Variants in NLRP14 observed in about 807,000 individuals in gnomAD.
NLRP14 encodes the protein NLR family pyrin domain containing 14.
Under a neutral mutation model 94.7 loss-of-function variants are expected in NLRP14, and 105 were observed. That is an observed-to-expected ratio of 1.11 (90% CI 0.95 to 1.30). NLRP14 has a LOEUF of 1.30. Ranked by LOEUF, NLRP14 falls within the 50% of genes most tolerant of loss-of-function variation. The probability of loss-of-function intolerance (pLI) is 0.00; values close to 1 mark genes in which losing one functional copy is unlikely to be tolerated. For synonymous variants in NLRP14, 508 were observed against 459.9 expected, an observed-to-expected ratio of 1.10 and a Z score of -1.34; for missense variants, 1,362 against 1,254.1, an observed-to-expected ratio of 1.09 and a Z score of -1.30.
At chr11:7,073,406 C>T (rs1228278041), downstream of NLRP14, among the ~76,000 whole-genome samples, 3 of 152,220 alleles carry the variant, frequency 2.0e-5, no homozygotes, top group Admixed American at 6.5e-5. Flanking sequence ...CAGTTCTGGT[C>T]ACCAAAATGT....
At chr11:7,084,375 G>A in the NLRP14 span, among the ~76,000 whole-genome samples, 5 of 152,150 alleles carry the variant, frequency 3.3e-5, no homozygotes, top group Non-Finnish European at 7.4e-5. Context: ...TTATTGAGGT[G>A]ACTCTTGGCG....
Position 7,058,348 on chromosome 11 carries a change from G to A in NLRP14, c.2531G>A (p.Arg844Lys). 1 of 1,612,790 alleles carries A rather than the reference G, an allele frequency of 6.2e-7. No individual in the cohort carries two copies. Among genetic ancestry groups the A allele is most frequent in the Admixed American group, 1.7e-5 (1 of 59,916 alleles). ...TCTTTGGCTCTCATCAGCAATAAAA[G>A]ACTGACACATTTGTGCTTGGCAGAC... ...YLSLALISNK[R>K]LTHLCLADNV... Residue 844 changes from arginine (R) to lysine (K), a missense_variant, in exon 8 of 12, where the codon AGA (arginine) becomes AAA (lysine). Transcript: ENST00000299481.
At chr11:7,076,316 T>C (rs893643604), downstream of NLRP14, among the ~76,000 whole-genome samples, 22 of 152,326 alleles carry the variant, frequency 1.4e-4, no homozygotes, top group African/African-American at 5.3e-4. Context: ...AAAAAGCAAA[T>C]AGAGTCTTCA....
rs1394683492 is a variant in NLRP14, at chr11:7,020,490, G to GGCGGGAGCT, written c.-296_-288dup. ...CTTTGGCCGCTGGCATTCCTGCGCGGGCGGGAGCTGCGGGCGCTCGGGGGA... is the reference window on the plus strand; with the variant it reads ...CTTTGGCCGCTGGCATTCCTGCGCGGGCGGGAGCTGCGGGAGCTGCGGGCGCTCGGGGGA... On this transcript the variant is annotated 5_prime_UTR_variant, in exon 1 of 12. Coordinates refer to ENST00000299481, the MANE Select transcript of NLRP14 (RefSeq NM_176822.4). 6.6e-6 allele frequency: 1 copy of GGCGGGAGCT among 152,336 alleles called. No individual in the cohort carries two copies. The highest frequency in any genetic ancestry group is 2.4e-5 in the African/African-American group (1 of 41,466). The allele number at this position is 152,336 out of a possible 1,614,324, so 9.4% of individuals were successfully genotyped here. A position where few individuals can be genotyped will look rare whatever the true frequency, so the allele number is the denominator to read the frequency against.
At chr11:7,071,854 C>T (rs1315652412), downstream of NLRP14, among the ~76,000 whole-genome samples, 2 of 152,022 alleles carry the variant, frequency 1.3e-5, no homozygotes, top group Non-Finnish European at 2.9e-5. Flanking sequence ...CAGGCAAATT[C>T]TTAAGTATAC....
At chr11:7,078,736 C>T in the NLRP14 span, among the ~76,000 whole-genome samples, 11 of 152,074 alleles carry the variant, frequency 7.2e-5, no homozygotes, top group Non-Finnish European at 1.2e-4. Context: ...TGCAGTGAGC[C>T]AAGATCGCAC....
chr11:7,084,450 A>C, the NLRP14 span, among the ~76,000 whole-genome samples: 4 of 152,162 alleles, frequency 2.6e-5, no homozygotes, highest in African/African-American at 9.6e-5. Flanking sequence ...TTAGAGGTGG[A>C]GAATTTTCAG....
chr11:7,036,006 A>G (rs1852155436), intron 1 of NLRP14, among the ~76,000 whole-genome samples: 1 of 152,244 alleles, frequency 6.6e-6, no homozygotes, highest in Non-Finnish European at 1.5e-5. Context: ...CTCCGTATCT[A>G]TAAATGTGGA....
At chr11:7,083,411 C>G in the NLRP14 span, among the ~76,000 whole-genome samples, 1 of 152,152 alleles carries the variant, frequency 6.6e-6, no homozygotes, top group African/African-American at 2.4e-5. Context: ...CTTGGTAGTC[C>G]AAATTGATGC....
chr11:7,037,947 T>C (rs1852184537), intron 1 of NLRP14, among the ~76,000 whole-genome samples: 2 of 152,170 alleles, frequency 1.3e-5, no homozygotes, highest in African/African-American at 2.4e-5. Flanking sequence ...GGAAAGTGCA[T>C]GAAAGGAGCT....
chr11:7,053,469 T>TTATA lies in NLRP14; in HGVS notation c.2291+3644_2291+3647dup, dbSNP rs36002808. On this transcript the variant is annotated intron_variant, in intron 6 of 11. Transcript: ENST00000299481. ...TTAAATCATATATATATGATTTAAA[T>TTATA]TATATATATATATATACTTTAAAAT... Among the ~76,000 whole-genome samples, 320 of 146,922 alleles carry TTATA rather than the reference T, an allele frequency of 2.2e-3. 1 individual carries two copies. Among genetic ancestry groups the TTATA allele is most frequent in the African/African-American group, 7.2e-3 (291 of 40,390 alleles).
intron 1 of NLRP14, among the ~76,000 whole-genome samples, chr11:7,034,010 T>C (rs34951118): frequency 0.15 from 23,054 of 152,150 alleles, 2,148 homozygotes; most frequent in Non-Finnish European, 0.21. Context: ...GTCAGGTTTC[T>C]CACTAAAAAG....
chr11:7,082,245 C>A, the NLRP14 span, among the ~76,000 whole-genome samples: 1 of 152,226 alleles, frequency 6.6e-6, no homozygotes, highest in Non-Finnish European at 1.5e-5. Flanking sequence ...GAATAGGAGG[C>A]TTTTAACTCA....
intron 4 of NLRP14, 95 bp downstream of exon 4, chr11:7,044,079 C>G (rs535692800): frequency 8.4e-7 from 1 of 1,185,444 alleles, no homozygotes; most frequent in African/African-American, 1.5e-5. Context: ...GGTCCCAGAG[C>G]TGAGATAACC....
At chr11:7,037,662 A>T (rs369879740) in intron 1 of NLRP14, among the ~76,000 whole-genome samples, 1 of 152,228 alleles carries the variant, frequency 6.6e-6, no homozygotes, top group Non-Finnish European at 1.5e-5. Flanking sequence ...ATGAGGGGTA[A>T]ACGCAGGGCT....
intron 9 of NLRP14, 110 bp downstream of exon 9, chr11:7,060,174 C>T: frequency 2.0e-6 from 2 of 982,824 alleles, no homozygotes; most frequent in South Asian, 1.3e-5. Context: ...GAATATAAAG[C>T]TGATTTTCCC....
In NLRP14 at chr11:7,043,760, A is replaced by T; in HGVS notation, c.1734A>T (p.Gly578=). The T allele has an allele frequency of 6.2e-7, 1 of 1,614,092 alleles. No individual in the cohort carries two copies. Among genetic ancestry groups the T allele is most frequent in the Non-Finnish European group, 8.5e-7 (1 of 1,179,980 alleles). ...GNSDYSPSQL[G]FLELFHCLYE... ...GTGACTATTCTCCATCACAGCTGGG[A>T]TTTCTGGAGTTGTTTCACTGTCTGT... Residue 578 remains glycine (G), a synonymous_variant, in exon 4 of 12, where the codon GGA becomes GGT. Coordinates refer to ENST00000299481, the MANE Select transcript of NLRP14 (RefSeq NM_176822.4).
At chr11:7,083,155 T>C in the NLRP14 span, among the ~76,000 whole-genome samples, 1 of 152,228 alleles carries the variant, frequency 6.6e-6, no homozygotes, top group African/African-American at 2.4e-5. Flanking sequence ...CCTGCTGATC[T>C]ACCAGAAAAC....
chr11:7,023,309 A>G (rs1851970159), intron 1 of NLRP14, among the ~76,000 whole-genome samples: 1 of 147,390 alleles, frequency 6.8e-6, no homozygotes, highest in Non-Finnish European at 1.5e-5. Context: ...TTGATAAAGT[A>G]TATATTTTAT....
Sources: allele counts gnomAD v4.1 joint callset (sites outside exome capture counted in the v4.1 genomes callset), GRCh38; gene constraint gnomAD v4.1.1; transcripts MANE v1.5; gene names NCBI Gene and HGNC (gene_info 2026-07-23, HGNC 2026-07-21).